Variants in IL4R observed in about 807,000 individuals in gnomAD.
The protein encoded by IL4R is interleukin-4 receptor subunit alpha.
Under a neutral mutation model 41.5 loss-of-function variants are expected in IL4R, and 17 were observed. That is an observed-to-expected ratio of 0.41 (90% confidence interval 0.28 to 0.61). IL4R has a LOEUF of 0.61. Ranked by LOEUF, IL4R falls within the 20% of genes least tolerant of loss-of-function variation. The pLI is 0.31. For missense variants in IL4R, 974 were observed against 1,043.1 expected (o/e 0.93, Z 0.91); for synonymous variants, 402 against 422.9 (o/e 0.95, Z 0.61).
intron 2 of IL4R, among the ~76,000 whole-genome samples, chr16:27,338,657 C>T (rs2085337389): frequency 6.6e-6 from 1 of 151,992 alleles, no homozygotes; most frequent in Non-Finnish European, 1.5e-5. Flanking sequence ...GTCATGAGGG[C>T]TCTGTGGTTG....
chr16:27,327,270 C>T (rs1249696341), intron 1 of IL4R, among the ~76,000 whole-genome samples: 2 of 152,164 alleles, frequency 1.3e-5, no homozygotes, highest in African/African-American at 4.8e-5. Flanking sequence ...GGAAGAAGAG[C>T]AGAAGGCCTG....
intron 1 of IL4R, among the ~76,000 whole-genome samples, chr16:27,327,239 A>G (rs2084980198): frequency 6.6e-6 from 1 of 152,052 alleles, no homozygotes; most frequent in African/African-American, 2.4e-5. Flanking sequence ...CCCTCCTCCA[A>G]GCCAGGTTTC....
chr16:27,314,205 A>G (rs542083800), intron 1 of IL4R, 185 bp downstream of exon 1: 1 of 776,538 alleles, frequency 1.3e-6, no homozygotes, highest in Non-Finnish European at 1.6e-6. Flanking sequence ...CTTGCCGCCG[A>G]ACGGCAGCGG....
At chr16:27,327,682 G>A (rs1049303046) in intron 1 of IL4R, among the ~76,000 whole-genome samples, 1 of 152,080 alleles carries the variant, frequency 6.6e-6, no homozygotes, top group African/African-American at 2.4e-5. Flanking sequence ...CGTGGATTTT[G>A]GAGTGACAAT....
chr16:27,362,804 C>G lies in IL4R; in HGVS notation c.1452C>G (p.Cys484Trp). The G allele has an allele frequency of 6.2e-7, 1 of 1,614,178 alleles. No homozygotes were observed. The highest frequency in any genetic ancestry group is 1.1e-5 in the South Asian group (1 of 91,082). The part of the protein sequence containing the change: ...SPTQSPDNLT[C>W]TETPLVIAGN... The stretch of plus-strand genomic sequence containing the variant: ...CCCAGAGTCCAGACAACCTGACTTG[C>G]ACAGAGACGCCCCTCGTCATCGCAG... Residue 484 changes from cysteine to tryptophan, a missense_variant, in exon 11 of 11, where the codon TGC becomes TGG. Transcript: ENST00000395762.
chr16:27,318,433 T>C (rs1016983968), intron 1 of IL4R, among the ~76,000 whole-genome samples: 1 of 128,984 alleles, frequency 7.8e-6, no homozygotes, highest in African/African-American at 2.6e-5. Context: ...CCTGAGGAGG[T>C]GACATTTGAG....
intron 1 of IL4R, among the ~76,000 whole-genome samples, chr16:27,323,948 C>T (rs1025888983): frequency 2.6e-5 from 4 of 152,096 alleles, no homozygotes; most frequent in South Asian, 2.1e-4. Context: ...TAGGAGCCAC[C>T]GCGCCCAGCC....
rs112891339 is a variant in IL4R, at chr16:27,362,764, C to T, written c.1412C>T (p.Pro471Leu). ...KEQPLHLEPS[P>L]PASPTQSPDN... ...CAGCCTCTCCACCTGGAGCCAAGTC[C>T]TCCTGCCAGCCCGACCCAGAGTCCA... The change falls in exon 11 of 11, where the codon CCT (proline) becomes CTT (leucine). Residue 471 changes from proline to leucine, a missense_variant. This residue lies in a region of IL4R where 682 missense variants were observed against 704.3 expected (regional missense o/e 0.97). Transcript: ENST00000395762. The T allele has an allele frequency of 3.7e-6, 6 of 1,613,992 alleles. No individual in the cohort carries two copies. In the African/African-American group the frequency reaches 5.3e-5, roughly 14 times the overall value.
intron 9 of IL4R, among the ~76,000 whole-genome samples, chr16:27,359,648 T>C (rs971615518): frequency 6.6e-6 from 1 of 152,204 alleles, no homozygotes; most frequent in Non-Finnish European, 1.5e-5. Context: ...TGCCACTCAC[T>C]GGCAGTGTGG....
In IL4R at chr16:27,346,025, G is replaced by A. The variant is rs79825192; in HGVS notation, c.362-442G>A. 9.0e-4 allele frequency among the ~76,000 whole-genome samples: 137 copies of A among 151,588 alleles called. 1 individual carries two copies. The highest frequency in any genetic ancestry group is 3.1e-3 in the African/African-American group (127 of 41,316). On this transcript the variant is annotated intron_variant, in intron 5 of 10. Coordinates refer to ENST00000395762, the MANE Select transcript of IL4R (RefSeq NM_000418.4). ...AGATTTTTTAAAAGGCTGAAGTTTG[G>A]GTTACTTTGGCTCATACACTTTGCC...
intron 4 of IL4R, 124 bp from the exon 5 acceptor site, chr16:27,344,745 C>A: frequency 9.7e-7 from 1 of 1,032,142 alleles, no homozygotes; most frequent in Non-Finnish European, 1.4e-6. Flanking sequence ...CCAGATCTGT[C>A]CTCACATCCG....
At chr16:27,318,088 A>G (rs1415518226) in intron 1 of IL4R, among the ~76,000 whole-genome samples, 1 of 152,188 alleles carries the variant, frequency 6.6e-6, no homozygotes, top group Non-Finnish European at 1.5e-5. Flanking sequence ...GAAATCCACG[A>G]TTTCTGAAAA....
At chr16:27,342,781 G>A (rs183156614) in intron 4 of IL4R, among the ~76,000 whole-genome samples, 49 of 152,052 alleles carry the variant, frequency 3.2e-4, no homozygotes, top group Non-Finnish European at 6.9e-4. Flanking sequence ...AGCGTGAGCC[G>A]CTGTATCCGG....
chr16:27,315,106 C>T (rs1429227360), intron 1 of IL4R, among the ~76,000 whole-genome samples: 2 of 152,176 alleles, frequency 1.3e-5, no homozygotes, highest in South Asian at 4.1e-4. Flanking sequence ...TCTCCCCTTC[C>T]CCAGCCCTCT....
intron 7 of IL4R, among the ~76,000 whole-genome samples, chr16:27,353,409 T>G (rs1330863944): frequency 6.6e-6 from 1 of 152,102 alleles, no homozygotes; most frequent in Admixed American, 6.5e-5. Context: ...TATAAAACAT[T>G]TAAACACATT....
chr16:27,360,867 A>G, intron 10 of IL4R, 52 bp downstream of exon 10: 1 of 1,614,008 alleles, frequency 6.2e-7, no homozygotes, highest in South Asian at 1.1e-5. Flanking sequence ...AGGTGATAGA[A>G]TTGGAGAGGC....
intron 8 of IL4R, among the ~76,000 whole-genome samples, chr16:27,357,656 G>T (rs906609872): frequency 1.3e-5 from 2 of 151,876 alleles, no homozygotes; most frequent in African/African-American, 4.8e-5. Flanking sequence ...TAGAGATGGG[G>T]TTTCACCATG....
At chr16:27,359,030 T>C in intron 9 of IL4R, 36 bp downstream of exon 9, 1 of 1,510,840 alleles carries the variant, frequency 6.6e-7, no homozygotes, top group South Asian at 1.1e-5. Flanking sequence ...TGTGGGACTG[T>C]GTACATGAAG....
chr16:27,329,253 T>G (rs1487828057), intron 1 of IL4R, among the ~76,000 whole-genome samples: 1 of 152,134 alleles, frequency 6.6e-6, no homozygotes, highest in Non-Finnish European at 1.5e-5. Context: ...GTGCTATGCT[T>G]CCTGTACAGC....
Sources: allele counts gnomAD v4.1 joint callset (sites outside exome capture counted in the v4.1 genomes callset), GRCh38; gene constraint gnomAD v4.1.1; regional missense constraint gnomAD v4.1.1; transcripts MANE v1.5; gene names NCBI Gene and HGNC (gene_info 2026-07-23, HGNC 2026-07-21).